Variants in ATP1B4 observed in about 807,000 individuals in gnomAD.
ATP1B4 encodes protein ATP1B4.
A neutral mutation model predicts 29.6 loss-of-function variants in ATP1B4; 32 were observed. The observed-to-expected ratio is 1.08, with a 90% confidence interval of 0.82 to 1.45. ATP1B4 has a LOEUF of 1.45. ATP1B4 is among the 40% of genes most tolerant of loss of function. The pLI is 0.00. For synonymous variants in ATP1B4, 127 were observed against 102.1 expected, an observed-to-expected ratio of 1.24 and a Z score of -1.47; for missense variants, 323 against 276.2, an observed-to-expected ratio of 1.17 and a Z score of -1.20.
rs756313591 is a variant in ATP1B4 at position 120,376,475 on chromosome X, G to C, written c.816+39G>C. 16 of 1,129,171 alleles carry C rather than the reference G, an allele frequency of 1.4e-5. No homozygotes were observed. In the South Asian group the frequency reaches 2.8e-4, roughly 20 times the overall value. The allele number at this position is 1,129,171 out of a possible 1,213,427, so 93.1% of individuals were successfully genotyped here. ...TTGAGTAAGCATTGTTAGCACATCT[G>C]TTTCATGCAAAAAGGTAGTCCATCA... On this transcript the variant is annotated intron_variant, in intron 6 of 7. Coordinates refer to ENST00000218008, the MANE Select transcript of ATP1B4 (RefSeq NM_001142447.3).
rs753090688 is a variant in ATP1B4 at position 120,376,365 on chromosome X, G to A, written c.760-15G>A. On this transcript the variant is annotated splice_polypyrimidine_tract_variant and intron_variant, in intron 5 of 7. Transcript: ENST00000218008. ...TTTGTTAAAAAAAAATAAAACACTGGTTTTCTTTTGATAGATTGTAGGCTT... is the reference window on the plus strand; with the variant it reads ...TTTGTTAAAAAAAAATAAAACACTGATTTTCTTTTGATAGATTGTAGGCTT... The A allele has an allele frequency of 8.3e-7, 1 of 1,205,506 alleles. No individual in the cohort carries two copies. Among genetic ancestry groups the A allele is most frequent in the Non-Finnish European group, 1.1e-6 (1 of 891,943 alleles).
rs1345387455 is a variant in ATP1B4 at position 120,379,825 on chromosome X, G to A, written c.*191G>A. 3 of 379,798 alleles carry A rather than the reference G, an allele frequency of 7.9e-6. No individual in the cohort carries two copies. Among genetic ancestry groups the A allele is most frequent in the Non-Finnish European group, 1.3e-5 (3 of 228,939 alleles). The allele number at this position is 379,798 out of a possible 1,213,427, so 31.3% of individuals were successfully genotyped here. On this transcript the variant is annotated 3_prime_UTR_variant, in exon 8 of 8. Transcript: ENST00000218008. ...AGCTGTTCGATTTTTTAAAGGTAGT[G>A]TCTCCTGATGACAAACAGAGTATAT...
intron 5 of ATP1B4, 61 bp from the exon 6 acceptor site, chrX:120,376,319 A>AT (rs1229811357): frequency 6.2e-6 from 7 of 1,134,140 alleles, no homozygotes; most frequent in South Asian, 1.9e-5. Flanking sequence ...GAAAAGCCCA[A>AT]TTTTTTACTG....
rs2058373557 is a variant in ATP1B4, at chrX:120,379,726, A to C, written c.*92A>C. ...TGAATTCTTTTTCTTCAATTAGGAC[A>C]CAGCCAGATGGACATCTAAGACAGC... On this transcript the variant is annotated 3_prime_UTR_variant, in exon 8 of 8. Transcript: ENST00000218008. 1.1e-6 allele frequency: 1 copy of C among 911,600 alleles called. No individual in the cohort carries two copies. Among genetic ancestry groups the C allele is most frequent in the Non-Finnish European group, 1.5e-6 (1 of 665,582 alleles). The allele number at this position is 911,600 out of a possible 1,213,427, so 75.1% of individuals were successfully genotyped here.
At position 120,366,674 on chromosome X, in the gene ATP1B4, A is replaced by AGAG; in HGVS notation, c.215_217dup (p.Glu72dup). 8.3e-7 allele frequency: 1 copy of AGAG among 1,211,061 alleles called. No individual in the cohort carries two copies. ...AGGAAGAGGAGGAAAAGGAGGAGGA[A>AGAG]GAGGGTCAAGGTCAGCCAACAGGCA... On this transcript the variant is annotated inframe_insertion, in exon 2 of 8. Transcript: ENST00000218008.
intron 2 of ATP1B4, among the ~76,000 whole-genome samples, chrX:120,367,845 C>T (rs1195877450): frequency 9.0e-6 from 1 of 111,327 alleles, no homozygotes; most frequent in African/African-American, 3.3e-5. Flanking sequence ...CGTGGGATCT[C>T]CCTTCACCCC....
At chrX:120,376,534 G>C in intron 6 of ATP1B4, 98 bp downstream of exon 6, 3 of 756,965 alleles carry the variant, frequency 4.0e-6, no homozygotes, top group Non-Finnish European at 2.0e-6. Context: ...GGTAGGCTAA[G>C]GAAAAGGTTA....
In ATP1B4 at chrX:120,376,375, G is replaced by C. The variant is rs1240873413; in HGVS notation, c.760-5G>C. On this transcript the variant is annotated splice_polypyrimidine_tract_variant and splice_region_variant and intron_variant, in intron 5 of 7. Coordinates refer to ENST00000218008, the MANE Select transcript of ATP1B4 (RefSeq NM_001142447.3). ...AAAAATAAAACACTGGTTTTCTTTTGATAGATTGTAGGCTTTCGTCCTGAG... is the reference window on the plus strand; with the variant it reads ...AAAAATAAAACACTGGTTTTCTTTTCATAGATTGTAGGCTTTCGTCCTGAG... 4.1e-6 allele frequency: 5 copies of C among 1,207,107 alleles called. No homozygotes were observed. Among genetic ancestry groups the C allele is most frequent in the East Asian group, 5.9e-5 (2 of 33,815 alleles).
At chrX:120,376,526 T>C (rs1375713935) in intron 6 of ATP1B4, 90 bp downstream of exon 6, 5 of 804,950 alleles carry the variant, frequency 6.2e-6, no homozygotes, top group South Asian at 2.2e-5. Context: ...ACATGGATGG[T>C]AGGCTAAGGA....
chrX:120,377,518 T>C lies in ATP1B4; in HGVS notation c.816+1082T>C, dbSNP rs188214486. On this transcript the variant is annotated intron_variant, in intron 6 of 7. Transcript: ENST00000218008. ...TTCATGAAAAATAAATTTCATTGCT[T>C]TTTAGAAGAATGTATTAAAAGTAAA... 2.7e-5 allele frequency among the ~76,000 whole-genome samples: 3 copies of C among 112,250 alleles called. No homozygotes were observed. The East Asian group carries it at 8.4e-4, about 31-fold the overall frequency.
intron 2 of ATP1B4, among the ~76,000 whole-genome samples, chrX:120,370,072 CG>C (rs1253570296): frequency 2.7e-5 from 3 of 111,888 alleles, no homozygotes; most frequent in Non-Finnish European, 3.8e-5. Flanking sequence ...CCAAAGTTCA[CG>C]GGCAAGTGTC....
chrX:120,374,463 T>C (rs1463636217), intron 4 of ATP1B4, among the ~76,000 whole-genome samples: 1 of 97,582 alleles, frequency 1.0e-5, no homozygotes, highest in African/African-American at 3.7e-5. Context: ...CCCTTATATA[T>C]ACCAGGATAT....
At position 120,381,335 on chromosome X, in the gene ATP1B4, C is replaced by T. The variant is rs768213029; in HGVS notation, c.*1701C>T. ...CAAGAGATCCAGCTAGAGAGGTATTCAGGGATGGAAAGAGGACTTTGAGTT... is the reference window on the plus strand; with the variant it reads ...CAAGAGATCCAGCTAGAGAGGTATTTAGGGATGGAAAGAGGACTTTGAGTT... On this transcript the variant is annotated 3_prime_UTR_variant, in exon 8 of 8. Transcript: ENST00000218008. 1.8e-5 allele frequency: 2 copies of T among 112,069 alleles called. No homozygotes were observed. Among genetic ancestry groups the T allele is most frequent in the Non-Finnish European group, 3.8e-5 (2 of 53,218 alleles). 9.2% of individuals were successfully genotyped at this position (112,069 alleles called of 1,213,427 possible). A position where few individuals can be genotyped will look rare whatever the true frequency, so the allele number is the denominator to read the frequency against.
At chrX:120,378,802 G>A (rs2058368693) in intron 7 of ATP1B4, 29 bp downstream of exon 7, 1 of 1,136,264 alleles carries the variant, frequency 8.8e-7, no homozygotes, top group Non-Finnish European at 1.2e-6. Context: ...AGTCATTGCT[G>A]TCAGAAAGGG....
rs1310063622 is a variant in ATP1B4, at chrX:120,382,962, C to T, written c.*3328C>T. The T allele has an allele frequency of 8.9e-6, 1 of 111,921 alleles. No individual in the cohort carries two copies. The highest frequency in any genetic ancestry group is 1.9e-5 in the Non-Finnish European group (1 of 53,143). 9.2% of individuals were successfully genotyped at this position (111,921 alleles called of 1,213,427 possible). On this transcript the variant is annotated 3_prime_UTR_variant, in exon 8 of 8. Transcript: ENST00000218008. The stretch of plus-strand genomic sequence containing the variant: ...TTCTAGTAGATTAATTTAAATAGTT[C>T]CCCATACCGTGCTGCATCAGGATTT...
At position 120,375,487 on chromosome X, in the gene ATP1B4, C is replaced by A. The variant is rs749942334; in HGVS notation, c.678C>A (p.Phe226Leu). ...DKKACQFKRS[F>L]LKNCSGLEDP... is the part of the protein sequence containing the mutation. ...AGGCCTGCCAATTTAAGCGCTCCTT[C>A]CTAAAGAACTGCTCTGGTCTGGAGG... The change falls in exon 5 of 8, where the codon TTC becomes TTA. Residue 226 changes from phenylalanine to leucine, a missense_variant. Transcript: ENST00000218008. The A allele has an allele frequency of 1.7e-6, 2 of 1,211,324 alleles. No homozygotes were observed. Among genetic ancestry groups the A allele is most frequent in the Non-Finnish European group, 2.2e-6 (2 of 895,291 alleles).
Position 120,380,731 on chromosome X carries a change from C to A in ATP1B4, c.*1097C>A, listed in dbSNP as rs1243638190. 1 of 112,417 alleles carries A rather than the reference C, an allele frequency of 8.9e-6. No individual in the cohort carries two copies. The highest frequency in any genetic ancestry group is 3.2e-5 in the African/African-American group (1 of 30,910). 9.3% of individuals were successfully genotyped at this position (112,417 alleles called of 1,213,427 possible). A position where few individuals can be genotyped will look rare whatever the true frequency, so the allele number is the denominator to read the frequency against. Reference sequence around the variant, plus strand: ...CAGCTCTGGAAATTGAAATCATAATCTGTCAATGAATACATGACAAGACAG... The same window carrying A: ...CAGCTCTGGAAATTGAAATCATAATATGTCAATGAATACATGACAAGACAG... On this transcript the variant is annotated 3_prime_UTR_variant, in exon 8 of 8. Transcript: ENST00000218008.
intron 6 of ATP1B4, 78 bp downstream of exon 6, chrX:120,376,514 A>T: frequency 1.1e-6 from 1 of 875,418 alleles, no homozygotes; most frequent in Non-Finnish European, 1.7e-6. Flanking sequence ...TCAAGGACTT[A>T]CACATGGATG....
chrX:120,371,911 A>G (rs1220922924), intron 4 of ATP1B4, among the ~76,000 whole-genome samples: 1 of 112,594 alleles, frequency 8.9e-6, no homozygotes, highest in East Asian at 2.8e-4. Flanking sequence ...CTTGTGATCC[A>G]CGTGCCTTGG....
Sources: allele counts gnomAD v4.1 joint callset (sites outside exome capture counted in the v4.1 genomes callset), GRCh38; gene constraint gnomAD v4.1.1; transcripts MANE v1.5; gene names NCBI Gene and HGNC (gene_info 2026-07-23, HGNC 2026-07-21).